The following FBXO16 variants were observed in gnomAD, a reference collection of about 807,000 sequenced individuals.
FBXO16 encodes F-box only protein 16.
A neutral mutation model predicts 41.0 loss-of-function variants in FBXO16; 31 were observed. The observed-to-expected ratio is 0.76, with a 90% CI of 0.57 to 1.02. The LOEUF (loss-of-function observed/expected upper bound fraction) is 1.02, where lower values mean the gene tolerates loss of function less well. Ranked by LOEUF, FBXO16 falls within the 50% of genes least tolerant of loss-of-function variation. FBXO16 has a pLI of 0.00. For synonymous variants in FBXO16, 133 were observed against 117.8 expected (o/e 1.13, Z -0.84); for missense variants, 361 against 346.2 (o/e 1.04, Z -0.34).
At chr8:28,456,965 C>A (rs766922199) in intron 4 of FBXO16, 35 bp from the exon 5 acceptor site, 1 of 1,596,318 alleles carries the variant, frequency 6.3e-7, no homozygotes, top group South Asian at 1.1e-5. Flanking sequence ...AAAACCAAAT[C>A]AAACAACCCC....
At chr8:28,468,448 T>C (rs1243792775) in intron 3 of FBXO16, among the ~76,000 whole-genome samples, 4 of 152,160 alleles carry the variant, frequency 2.6e-5, no homozygotes, top group Non-Finnish European at 5.9e-5. Context: ...TGTTGACTTA[T>C]TGGTTATACG....
At chr8:28,458,248 ATGTT>A in intron 4 of FBXO16, among the ~76,000 whole-genome samples, 1 of 152,186 alleles carries the variant, frequency 6.6e-6, no homozygotes, top group Admixed American at 6.5e-5. Context: ...AGTTCCTACT[ATGTT>A]TGTTTTATGT....
chr8:28,454,751 AG>A (rs768237370), intron 5 of FBXO16, among the ~76,000 whole-genome samples: 6 of 40,998 alleles, frequency 1.5e-4, no homozygotes, highest in South Asian at 1.0e-3. Flanking sequence ...AAAAAAAAAA[AG>A]GATCATTAAT....
chr8:28,439,054 C>T (rs552452013), intron 7 of FBXO16, among the ~76,000 whole-genome samples: 2 of 149,850 alleles, frequency 1.3e-5, no homozygotes, highest in East Asian at 2.0e-4. Context: ...GAGATGGCCC[C>T]ACTGCACTCC....
At chr8:28,448,169 A>G (rs1344735519) in intron 6 of FBXO16, among the ~76,000 whole-genome samples, 2 of 151,674 alleles carry the variant, frequency 1.3e-5, no homozygotes, top group Non-Finnish European at 2.9e-5. Flanking sequence ...GTGAGACCCT[A>G]TCTCTACAAA....
intron 5 of FBXO16, among the ~76,000 whole-genome samples, chr8:28,453,622 T>C (rs1172459807): frequency 1.2e-4 from 18 of 151,928 alleles, no homozygotes; most frequent in Admixed American, 1.2e-3. Context: ...CTTTGCTTGG[T>C]AAATCAGTTT....
At chr8:28,433,044 G>C (rs1473612442) in intron 7 of FBXO16, among the ~76,000 whole-genome samples, 1 of 148,610 alleles carries the variant, frequency 6.7e-6, no homozygotes, top group Non-Finnish European at 1.5e-5. Context: ...CTCGGCGACA[G>C]AGTGAGACTT....
At chr8:28,434,163 G>A (rs999183732) in intron 7 of FBXO16, among the ~76,000 whole-genome samples, 4 of 152,102 alleles carry the variant, frequency 2.6e-5, no homozygotes, top group East Asian at 3.9e-4. Flanking sequence ...GTTTCACCAC[G>A]TTGGCCAGGC....
intron 4 of FBXO16, among the ~76,000 whole-genome samples, chr8:28,462,799 G>C (rs1267763097): frequency 2.6e-5 from 4 of 152,172 alleles, no homozygotes; most frequent in African/African-American, 9.7e-5. Flanking sequence ...AGGCCTGTAT[G>C]AGCACACCTG....
intron 3 of FBXO16, 150 bp downstream of exon 3, chr8:28,473,622 A>C (rs1803371612): frequency 4.2e-6 from 3 of 720,382 alleles, no homozygotes; most frequent in Non-Finnish European, 7.1e-6. Flanking sequence ...AACCATGAAA[A>C]ACAAATGTCT....
intron 7 of FBXO16, among the ~76,000 whole-genome samples, chr8:28,436,179 G>A (rs538864627): frequency 9.9e-5 from 15 of 152,076 alleles, no homozygotes; most frequent in East Asian, 3.9e-4. Flanking sequence ...AGCTTCATCC[G>A]GTTGATAGGA....
rs71549671 is a variant in FBXO16, at chr8:28,481,811, G to GAAA, written c.99+1534_99+1536dup. On this transcript the variant is annotated intron_variant, in intron 2 of 8. Transcript: ENST00000380254. ...GTGACACAGTGAGACTCTGTTTCAG[G>GAAA]AAAAAAAAAAAAAAAAGAATGCAAG... Among the ~76,000 whole-genome samples, 450 of 130,884 alleles carry GAAA rather than the reference G, an allele frequency of 3.4e-3. 8 individuals are homozygous for GAAA. In the East Asian group the frequency reaches 0.051, roughly 15 times the overall value. The allele number at this position is 130,884 out of a possible 152,430, so 85.9% of individuals were successfully genotyped here.
At chr8:28,438,237 A>T (rs1026421880) in intron 7 of FBXO16, among the ~76,000 whole-genome samples, 1 of 151,958 alleles carries the variant, frequency 6.6e-6, no homozygotes, top group African/African-American at 2.4e-5. Flanking sequence ...AATTACTTGA[A>T]CCTGAGAGGC....
chr8:28,462,516 G>T (rs1333189598), intron 4 of FBXO16, among the ~76,000 whole-genome samples: 1 of 149,898 alleles, frequency 6.7e-6, no homozygotes, highest in African/African-American at 2.5e-5. Flanking sequence ...CTGACCTTGT[G>T]ATCCGCCCGC....
intron 5 of FBXO16, 36 bp downstream of exon 5, chr8:28,456,730 T>C (rs1359676468): frequency 6.2e-7 from 1 of 1,606,778 alleles, no homozygotes; most frequent in African/African-American, 1.3e-5. Context: ...AAAGAGCCAA[T>C]GTTTGCAAGC....
chr8:28,473,653 A>G (rs1409275171), intron 3 of FBXO16, 119 bp downstream of exon 3: 1 of 864,828 alleles, frequency 1.2e-6, no homozygotes, highest in Non-Finnish European at 1.9e-6. Context: ...CTTTCTATCC[A>G]AGTTGAGTAA....
chr8:28,438,406 G>A (rs893331858), intron 7 of FBXO16, among the ~76,000 whole-genome samples: 2 of 152,172 alleles, frequency 1.3e-5, no homozygotes, highest in African/African-American at 4.8e-5. Flanking sequence ...GGACGGTCAA[G>A]GAAAAAGCAA....
At chr8:28,457,404 C>T (rs1300604564) in intron 4 of FBXO16, among the ~76,000 whole-genome samples, 1 of 152,062 alleles carries the variant, frequency 6.6e-6, no homozygotes, top group East Asian at 1.9e-4. Context: ...TTTCACGTTG[C>T]TGATAAAGAC....
At chr8:28,471,960 A>G (rs992737723) in intron 3 of FBXO16, among the ~76,000 whole-genome samples, 5 of 152,210 alleles carry the variant, frequency 3.3e-5, no homozygotes, top group African/African-American at 9.7e-5. Flanking sequence ...AGGTAAAAAC[A>G]TAACATTGTT....
Sources: allele counts gnomAD v4.1 joint callset (sites outside exome capture counted in the v4.1 genomes callset), GRCh38; gene constraint gnomAD v4.1.1; transcripts MANE v1.5; gene names NCBI Gene and HGNC (gene_info 2026-07-23, HGNC 2026-07-21).